Variants in F13B observed in about 807,000 individuals in gnomAD.
F13B encodes TGase.
Under a neutral mutation model 79.8 loss-of-function variants are expected in F13B, and 58 were observed. The observed-to-expected ratio is 0.73, with a 90% CI of 0.59 to 0.90. The LOEUF is 0.90. F13B is among the 40% of genes least tolerant of loss of function. F13B has a pLI of 0.00. For synonymous variants in F13B, 283 were observed against 260.3 expected (o/e 1.09, Z -0.84); for missense variants, 773 against 777.0 (o/e 0.99, Z 0.06).
At chr1:197,047,116 T>C (rs1655262590) in intron 10 of F13B, among the ~76,000 whole-genome samples, 2 of 152,240 alleles carry the variant, frequency 1.3e-5, no homozygotes, top group South Asian at 4.1e-4. Flanking sequence ...ACTTCATGAC[T>C]AAAACACCAA....
At chr1:197,055,173 T>C (rs1302651938) in intron 8 of F13B, among the ~76,000 whole-genome samples, 3 of 151,970 alleles carry the variant, frequency 2.0e-5, no homozygotes, top group Admixed American at 2.0e-4. Context: ...GTGTAAAACA[T>C]TTAGAAGACC....
chr1:197,057,069 C>A lies in F13B; in HGVS notation c.1115G>T (p.Gly372Val). Residue 372 changes from glycine to valine, a missense_variant, in exon 7 of 12, where the codon GGA (glycine) becomes GTA (valine). Physicochemically the swap from Gly to Val is moderately radical, Grantham distance 109. Coordinates refer to ENST00000367412, the MANE Select transcript of F13B (RefSeq NM_001994.3). ...ACGATTACAAGTTATCTCATTCGAT[C>A]CATGGAGAAGGTAGCCGCTTTTACA... ...YACKSGYLLH[G>V]SNEITCNRGK... 6.2e-7 allele frequency: 1 copy of A among 1,613,786 alleles called. No individual in the cohort carries two copies. The highest frequency in any genetic ancestry group is 1.3e-5 in the African/African-American group (1 of 75,032).
chr1:197,044,631 T>C (rs541334826), intron 10 of F13B, among the ~76,000 whole-genome samples: 1 of 152,064 alleles, frequency 6.6e-6, no homozygotes, highest in African/African-American at 2.4e-5. Context: ...TATCCAGGAC[T>C]TGAACTCAGC....
Position 197,040,708 on chromosome 1 carries a change from A to G in F13B, c.1766T>C (p.Met589Thr), listed in dbSNP as rs1655009009. Residue 589 changes from methionine to threonine, a missense_variant, in exon 11 of 12, where the codon ATG (methionine) becomes ACG (threonine). Transcript: ENST00000367412. ...LEPCTLSFTE[M>T]EKNNLLLKWD... The stretch of plus-strand genomic sequence containing the variant: ...TTTCAGAAGTAAATTATTCTTTTCC[A>G]TTTCAGTAAAAGATAATGTGCATGG... The G allele has an allele frequency of 3.1e-6, 5 of 1,611,462 alleles. No individual in the cohort carries two copies. In the African/African-American group the frequency reaches 4.0e-5, roughly 13 times the overall value.
At chr1:197,064,727 A>G (rs1205996161) in intron 1 of F13B, among the ~76,000 whole-genome samples, 3 of 152,172 alleles carry the variant, frequency 2.0e-5, no homozygotes, top group Non-Finnish European at 4.4e-5. Flanking sequence ...TGGATATGTT[A>G]TACTCCAAAT....
At chr1:197,056,171 A>G (rs969676903) in intron 7 of F13B, among the ~76,000 whole-genome samples, 1 of 152,176 alleles carries the variant, frequency 6.6e-6, no homozygotes, top group Non-Finnish European at 1.5e-5. Flanking sequence ...AACCTATAGA[A>G]TGAGAAACTG....
chr1:197,056,373 T>G (rs370916543), intron 7 of F13B, among the ~76,000 whole-genome samples: 4 of 152,188 alleles, frequency 2.6e-5, no homozygotes, highest in African/African-American at 7.2e-5. Context: ...TGCTTTTGTC[T>G]TATTTAATAA....
chr1:197,055,620 G>A (rs1655612147), intron 8 of F13B, 95 bp downstream of exon 8: 2 of 1,335,716 alleles, frequency 1.5e-6, no homozygotes, highest in Non-Finnish European at 2.1e-6. Flanking sequence ...TGTGAAAAAA[G>A]ATTTGTACAA....
At chr1:197,063,860 A>G (rs566248525) in intron 1 of F13B, among the ~76,000 whole-genome samples, 15 of 152,262 alleles carry the variant, frequency 9.9e-5, no homozygotes, top group Admixed American at 8.5e-4. Context: ...ACTGTCTCCA[A>G]TAGCTATATG....
Position 197,057,130 on chromosome 1 carries a change from T to TA in F13B, c.1053dup (p.Lys352Ter). On this transcript the variant is annotated frameshift_variant, in exon 7 of 12. Transcript: ENST00000367412. LOFTEE classifies it high-confidence loss of function. ...ACTTTATCCCCATTGTAATAAATCT[T>TA]AGAGTGTAAATTTGCTGCACCATTT... is the stretch of plus-strand genomic sequence containing the variant. 1 of 1,613,918 alleles carries TA rather than the reference T, an allele frequency of 6.2e-7. No homozygotes were observed. Among genetic ancestry groups the TA allele is most frequent in the Non-Finnish European group, 8.5e-7 (1 of 1,179,928 alleles).
rs1655810798 is a variant in F13B at position 197,060,488 on chromosome 1, T to C, written c.683A>G (p.Lys228Arg). The C allele has an allele frequency of 6.2e-7, 1 of 1,606,880 alleles. No individual in the cohort carries two copies. The highest frequency in any genetic ancestry group is 8.5e-7 in the Non-Finnish European group (1 of 1,175,860). Reference sequence around the variant, plus strand: ...GACATCTCCTTCTTCATAGGTTTGCTTTACAGGATGAAAATAACCATTTTC... The same window carrying C: ...GACATCTCCTTCTTCATAGGTTTGCCTTACAGGATGAAAATAACCATTTTC... ...LIENGYFHPVKQTYEEGDVVQ... is the reference protein window; with the variant it reads ...LIENGYFHPVRQTYEEGDVVQ... Residue 228 changes from lysine (K) to arginine (R), a missense_variant, in exon 5 of 12, where the codon AAG becomes AGG. Lys to Arg is a conservative substitution (Grantham distance 26). Transcript: ENST00000367412.
At chr1:197,063,531 G>A (rs1309050370) in intron 1 of F13B, among the ~76,000 whole-genome samples, 3 of 151,956 alleles carry the variant, frequency 2.0e-5, no homozygotes, top group Non-Finnish European at 2.9e-5. Context: ...TGTTGCTCAC[G>A]CTGGTCTCAA....
intron 11 of F13B, among the ~76,000 whole-genome samples, 195 bp from the exon 12 acceptor site, chr1:197,039,606 T>C (rs17549859): frequency 0.015 from 2,305 of 152,180 alleles, 49 homozygotes; most frequent in African/African-American, 0.049. Flanking sequence ...ACACTACTCA[T>C]GATTTTTTAA....
rs546102698 is a variant in F13B at position 197,038,831 on chromosome 1, T to C, written c.*547A>G. 2.5e-3 allele frequency among the ~76,000 whole-genome samples: 373 copies of C among 152,216 alleles called. 4 individuals carry two copies. Among genetic ancestry groups the C allele is most frequent in the Non-Finnish European group, 4.5e-3 (308 of 67,980 alleles). On this transcript the variant is annotated 3_prime_UTR_variant, in exon 12 of 12. Transcript: ENST00000367412. ...GTAGTACACCACCTCATAAACAATT[T>C]GGTTATTAACGTTGTAGCAAATATT...
At chr1:197,050,998 C>A in intron 9 of F13B, 119 bp from the exon 10 acceptor site, 1 of 828,196 alleles carries the variant, frequency 1.2e-6, no homozygotes. Context: ...GTGGCATGAT[C>A]ATGACTCACT....
At chr1:197,065,191 C>CAGG (rs1246802626) in intron 1 of F13B, among the ~76,000 whole-genome samples, 1 of 152,132 alleles carries the variant, frequency 6.6e-6, no homozygotes, top group Non-Finnish European at 1.5e-5. Flanking sequence ...AGTTGCTTGT[C>CAGG]AGGGAGGGGC....
At chr1:197,047,129 G>A (rs1023103860) in intron 10 of F13B, among the ~76,000 whole-genome samples, 9 of 152,080 alleles carry the variant, frequency 5.9e-5, no homozygotes, top group African/African-American at 2.2e-4. Context: ...AACACCAAAA[G>A]TAATGGCAAC....
At position 197,061,791 on chromosome 1, in the gene F13B, T is replaced by C; in HGVS notation, c.444A>G (p.Lys148=). ...AGGAAATGATTCTTATACCATGTTC[T>C]TTCCTACAGGTTGGTTGAGAAGACC... ...DGWSSQPTCR[K]EHETCLAPEL... is the part of the protein sequence containing the mutation. Residue 148 remains lysine (K), a synonymous_variant, in exon 3 of 12, where the codon AAA becomes AAG. Transcript: ENST00000367412. 2 of 1,613,038 alleles carry C rather than the reference T, an allele frequency of 1.2e-6. No individual in the cohort carries two copies. Among genetic ancestry groups the C allele is most frequent in the South Asian group, 2.2e-5 (2 of 91,060 alleles).
At position 197,067,158 on chromosome 1, in the gene F13B, A is replaced by G. The variant is rs750054739; in HGVS notation, c.64+2T>C. ...ATAAAGAATATTAAGAATTAATTTT[A>G]CCTTCTGCATAGAGTTCTCCTGAGA... On this transcript the variant is annotated splice_donor_variant, in intron 1 of 11. Transcript: ENST00000367412. LOFTEE classifies it high-confidence loss of function. 6.4e-7 allele frequency: 1 copy of G among 1,560,462 alleles called. No individual in the cohort carries two copies.
Sources: allele counts gnomAD v4.1 joint callset (sites outside exome capture counted in the v4.1 genomes callset), GRCh38; gene constraint gnomAD v4.1.1; transcripts MANE v1.5; gene names NCBI Gene and HGNC (gene_info 2026-07-23, HGNC 2026-07-21).